The following SLC34A2 variants were observed in gnomAD, a reference collection of about 807,000 sequenced individuals.
SLC34A2 encodes solute carrier family 34 member 2, also known as sodium-dependent phosphate transport protein 2B.
Under a neutral mutation model 50.8 loss-of-function variants are expected in SLC34A2, and 41 were observed. The observed-to-expected ratio is 0.81, with a 90% CI of 0.63 to 1.05. The LOEUF (loss-of-function observed/expected upper bound fraction) is 1.05, where lower values mean the gene tolerates loss of function less well. Ranked by LOEUF, SLC34A2 falls within the 50% of genes least tolerant of loss-of-function variation. The pLI is 0.00. For synonymous variants in SLC34A2, 401 were observed against 364.2 expected, an observed-to-expected ratio of 1.10 and a Z score of -1.15; for missense variants, 879 against 876.7, an observed-to-expected ratio of 1.00 and a Z score of -0.03.
chr4:25,671,823 G>A, intron 9 of SLC34A2, 102 bp downstream of exon 9: 1 of 1,523,370 alleles, frequency 6.6e-7, no homozygotes, highest in South Asian at 1.1e-5. Context: ...GACAGTAGGA[G>A]TCACCAAGCA....
rs932436041 is a variant in SLC34A2, at chr4:25,659,548, T to A, written c.-3-2950T>A. Among the ~76,000 whole-genome samples, 4 of 152,148 alleles carry A rather than the reference T, an allele frequency of 2.6e-5. No individual in the cohort carries two copies. In the East Asian group the frequency reaches 7.7e-4, roughly 29 times the overall value. On this transcript the variant is annotated intron_variant, in intron 1 of 12. Transcript: ENST00000382051. ...CACAGTGCATTTCCACATTGTGTCA[T>A]GAACAATAAACAAGAGTTCCGAGTG... is the stretch of plus-strand genomic sequence containing the variant.
Position 25,664,301 on chromosome 4 carries a change from T to G in SLC34A2, c.350T>G (p.Ile117Ser), listed in dbSNP as rs1714372611. ...TACTTTTTCGTGTGCTCCCTGGATA[T>G]TCTTAGTAGCGCCTTCCAGCTGGTT... Reference protein sequence around the residue: ...FLYFFVCSLDILSSAFQLVGG... With the variant: ...FLYFFVCSLDSLSSAFQLVGG... The change falls in exon 4 of 13, where the codon ATT becomes AGT. Residue 117 changes from isoleucine to serine, a missense_variant. Coordinates refer to ENST00000382051, the MANE Select transcript of SLC34A2 (RefSeq NM_006424.3). 1.9e-6 allele frequency: 3 copies of G among 1,613,986 alleles called. No individual in the cohort carries two copies. Among genetic ancestry groups the G allele is most frequent in the Non-Finnish European group, 2.5e-6 (3 of 1,180,006 alleles).
At position 25,671,698 on chromosome 4, in the gene SLC34A2, C is replaced by T. The variant is rs1560240149; in HGVS notation, c.1025C>T (p.Thr342Ile). 1.2e-6 allele frequency: 2 copies of T among 1,614,190 alleles called. No homozygotes were observed. The highest frequency in any genetic ancestry group is 1.7e-6 in the Non-Finnish European group (2 of 1,180,038). ...CAAAACTGGACCATGAAGAATGTGA[C>T]CTACAAGGAGAACATCGCCAAATGT... is the stretch of plus-strand genomic sequence containing the variant. ...GIQNWTMKNV[T>I]YKENIAKCQH... is the part of the protein sequence containing the mutation. The change falls in exon 9 of 13, where the codon ACC becomes ATC. Residue 342 changes from threonine (T) to isoleucine (I), a missense_variant. Coordinates refer to ENST00000382051, the MANE Select transcript of SLC34A2 (RefSeq NM_006424.3).
At chr4:25,661,023 C>T (rs146788631) in intron 1 of SLC34A2, among the ~76,000 whole-genome samples, 242 of 152,260 alleles carry the variant, frequency 1.6e-3, no homozygotes, top group African/African-American at 5.5e-3. Context: ...CTGAGAAAGG[C>T]CTTGTGAAGA....
At chr4:25,662,060 T>G (rs912259132) in intron 1 of SLC34A2, among the ~76,000 whole-genome samples, 2 of 151,836 alleles carry the variant, frequency 1.3e-5, no homozygotes, top group African/African-American at 4.8e-5. Flanking sequence ...TTAGTAGAGA[T>G]GGGGTTTCAC....
chr4:25,676,019 G>A, intron 12 of SLC34A2, 116 bp from the exon 13 acceptor site: 2 of 1,513,462 alleles, frequency 1.3e-6, no homozygotes, highest in South Asian at 1.2e-5. Context: ...AGAAGGCCTG[G>A]AAGGCCCGAG....
chr4:25,656,756 G>A (rs1012526984), intron 1 of SLC34A2, among the ~76,000 whole-genome samples: 2 of 152,180 alleles, frequency 1.3e-5, no homozygotes, highest in African/African-American at 4.8e-5. Context: ...CTTTGAGGAG[G>A]TCCCTTTTTC....
At chr4:25,675,172 C>T (rs1052565559) in intron 12 of SLC34A2, among the ~76,000 whole-genome samples, 1 of 152,222 alleles carries the variant, frequency 6.6e-6, no homozygotes, top group African/African-American at 2.4e-5. Flanking sequence ...GCTGGGATTA[C>T]AGGCACCTGC....
rs1484436443 is a variant in SLC34A2 at position 25,676,924 on chromosome 4, G to A, written c.*175G>A. 2 of 801,908 alleles carry A rather than the reference G, an allele frequency of 2.5e-6. No homozygotes were observed. Among genetic ancestry groups the A allele is most frequent in the Non-Finnish European group, 2.0e-6 (1 of 498,518 alleles). The allele number at this position is 801,908 out of a possible 1,614,324, so 49.7% of individuals were successfully genotyped here. A position where few individuals can be genotyped will look rare whatever the true frequency, so the allele number is the denominator to read the frequency against. On this transcript the variant is annotated 3_prime_UTR_variant, in exon 13 of 13. Transcript: ENST00000382051. ...TTTGGCTTGGTGGTAGGCCTGCAGG[G>A]CACTTTTATTCCAACCCCTGGTCAC... is the stretch of plus-strand genomic sequence containing the variant.
At chr4:25,660,391 C>T (rs186790736) in intron 1 of SLC34A2, among the ~76,000 whole-genome samples, 15 of 152,330 alleles carry the variant, frequency 9.8e-5, no homozygotes, top group Admixed American at 4.6e-4. Context: ...GGGTCACAGA[C>T]GTGTGATGAA....
rs151298748 is a variant in SLC34A2 at position 25,676,419 on chromosome 4, C to G, written c.1743C>G (p.Arg581=). 2.5e-6 allele frequency: 4 copies of G among 1,614,048 alleles called. No homozygotes were observed. In the Admixed American group the frequency reaches 6.7e-5, roughly 27 times the overall value. ...GACTCCTGCAGTCTCGCTGCCCACG[C>G]GTCCTGCCGAAGAAACTCCAGAACT... The part of the protein sequence containing the change: ...CLRLLQSRCP[R]VLPKKLQNWN... The change falls in exon 13 of 13, where the codon CGC becomes CGG. Residue 581 remains arginine, a synonymous_variant. Transcript: ENST00000382051.
At chr4:25,672,582 C>T (rs560633385) in intron 9 of SLC34A2, among the ~76,000 whole-genome samples, 47 of 152,302 alleles carry the variant, frequency 3.1e-4, no homozygotes, top group Admixed American at 6.5e-4. Flanking sequence ...TCTTAATACT[C>T]TAGGTATGAT....
Position 25,675,991 on chromosome 4 carries a change from GC to G in SLC34A2, c.1459-143del. ...CTCATGGAATCCAGGTACCCTCTGG[GC>G]TGAGCCATAAGGACAAAGAAGGCCT... is the stretch of plus-strand genomic sequence containing the variant. On this transcript the variant is annotated intron_variant, in intron 12 of 12. Transcript: ENST00000382051. 4 of 1,334,726 alleles carry G rather than the reference GC, an allele frequency of 3.0e-6. No homozygotes were observed. The South Asian group carries it at 5.2e-5, about 17-fold the overall frequency. 82.7% of individuals were successfully genotyped at this position (1,334,726 alleles called of 1,614,324 possible).
intron 1 of SLC34A2, among the ~76,000 whole-genome samples, chr4:25,659,654 T>C (rs1714077018): frequency 6.6e-6 from 1 of 152,180 alleles, no homozygotes; most frequent in Admixed American, 6.5e-5. Flanking sequence ...GTAAGCAAGA[T>C]GGTATTGTCC....
At chr4:25,666,024 C>A in intron 4 of SLC34A2, 104 bp from the exon 5 acceptor site, 1 of 1,466,462 alleles carries the variant, frequency 6.8e-7, no homozygotes, top group South Asian at 1.1e-5. Flanking sequence ...CTCTGCAACC[C>A]ACAGCCAGCT....
Position 25,662,809 on chromosome 4 carries a change from C to A in SLC34A2, c.217C>A (p.Pro73Thr), listed in dbSNP as rs762105687. 8.7e-6 allele frequency: 14 copies of A among 1,614,064 alleles called. No homozygotes were observed. The highest frequency in any genetic ancestry group is 1.2e-5 in the Non-Finnish European group (14 of 1,180,018). Residue 73 changes from proline (P) to threonine (T), a missense_variant, in exon 3 of 13, where the codon CCC becomes ACC. Transcript: ENST00000382051. Reference sequence around the variant, plus strand: ...TGAGGTGGATGACCCCTGGAACCTACCCACTCTTCAGGACTCGGGGATCAA... The same window carrying A: ...TGAGGTGGATGACCCCTGGAACCTAACCACTCTTCAGGACTCGGGGATCAA... ...PTEVDDPWNLPTLQDSGIKWS... is the reference protein window; with the variant it reads ...PTEVDDPWNLTTLQDSGIKWS...
rs1395589346 is a variant in SLC34A2 at position 25,670,758 on chromosome 4, C to T, written c.852C>T (p.Ser284=). Residue 284 remains serine (S), a synonymous_variant, in exon 8 of 13, where the codon AGC becomes AGT. Transcript: ENST00000382051. ...LIVQLDKKVI[S]QIAMNDEKAK... Reference sequence around the variant, plus strand: ...CACAGCTGGATAAAAAAGTTATCAGCCAAATTGCAATGAACGATGAAAAAG... The same window carrying T: ...CACAGCTGGATAAAAAAGTTATCAGTCAAATTGCAATGAACGATGAAAAAG... 6.2e-7 allele frequency: 1 copy of T among 1,613,778 alleles called. No homozygotes were observed. Among genetic ancestry groups the T allele is most frequent in the Non-Finnish European group, 8.5e-7 (1 of 1,179,746 alleles).
chr4:25,665,905 C>T (rs1714469723), intron 4 of SLC34A2, among the ~76,000 whole-genome samples: 1 of 152,122 alleles, frequency 6.6e-6, no homozygotes, highest in Admixed American at 6.5e-5. Flanking sequence ...GAGACAGAGA[C>T]AGGAGGCACG....
chr4:25,671,861 A>T, intron 9 of SLC34A2, 140 bp downstream of exon 9: 1 of 1,185,746 alleles, frequency 8.4e-7, no homozygotes, highest in Non-Finnish European at 1.2e-6. Flanking sequence ...AGTGAGCAAC[A>T]TGCTTTCACA....
Sources: allele counts gnomAD v4.1 joint callset (sites outside exome capture counted in the v4.1 genomes callset), GRCh38; gene constraint gnomAD v4.1.1; transcripts MANE v1.5; gene names NCBI Gene and HGNC (gene_info 2026-07-23, HGNC 2026-07-21).